DCAF6: variants seen among roughly 807,000 people sequenced by gnomAD.
The protein encoded by DCAF6 is DDB1 and CUL4 associated factor 6.
In DCAF6, 54 loss-of-function variants were observed where a neutral mutation model predicts 125.1. That is an observed-to-expected ratio of 0.43 (90% CI 0.35 to 0.54). The LOEUF (loss-of-function observed/expected upper bound fraction) is 0.54, where lower values mean the gene tolerates loss of function less well. Among genes scored for constraint, DCAF6 ranks in the 20% least tolerant of loss-of-function variants. The probability of loss-of-function intolerance (pLI) is 0.01; values close to 1 mark genes in which losing one functional copy is unlikely to be tolerated. For missense variants in DCAF6, 934 were observed against 1,161.7 expected (o/e 0.80, Z 2.85); for synonymous variants, 371 against 390.4 (o/e 0.95, Z 0.58).
chr1:168,028,125 A>G (rs1686583718), intron 12 of DCAF6, among the ~76,000 whole-genome samples: 1 of 152,114 alleles, frequency 6.6e-6, no homozygotes, highest in East Asian at 1.9e-4. Flanking sequence ...TTTCAACAGT[A>G]TGTTTTAATG....
the DCAF6 span, chr1:167,883,685 A>G: frequency 1.9e-6 from 3 of 1,545,260 alleles, no homozygotes; most frequent in Admixed American, 1.7e-5. Context: ...CCCTCCCCCA[A>G]CACCGCCCCC....
the DCAF6 span, among the ~76,000 whole-genome samples, chr1:167,896,081 G>C: frequency 6.6e-6 from 1 of 152,178 alleles, no homozygotes; most frequent in South Asian, 2.1e-4. Flanking sequence ...GCAAATTAAT[G>C]GTCCTTGGTG....
At chr1:168,050,734 G>A (rs533763048) in intron 16 of DCAF6, among the ~76,000 whole-genome samples, 158 bp from the exon 17 acceptor site, 16 of 152,218 alleles carry the variant, frequency 1.1e-4, no homozygotes, top group African/African-American at 3.1e-4. Context: ...TTAGTTGACT[G>A]ACATATTCCT....
chr1:167,936,135 A>G, upstream of DCAF6: 2 of 412,182 alleles, frequency 4.9e-6, no homozygotes, highest in Non-Finnish European at 9.1e-6. Context: ...TCACCTCACC[A>G]AGTCTGCGCT....
At chr1:168,049,428 GTTGTT>G (rs1332022753) in intron 16 of DCAF6, among the ~76,000 whole-genome samples, 1,358 of 67,246 alleles carry the variant, frequency 0.02, 19 homozygotes, top group African/African-American at 0.082. Flanking sequence ...TGTTGTTGTT[GTTGTT>G]TTTTTTTTTT....
At chr1:168,009,241 G>A (rs989625885) in intron 10 of DCAF6, among the ~76,000 whole-genome samples, 21 of 151,470 alleles carry the variant, frequency 1.4e-4, no homozygotes, top group Middle Eastern at 3.2e-3. Flanking sequence ...CTTGTGATCC[G>A]CCCTCCTCGG....
At chr1:167,954,554 G>A (rs182416635) in intron 2 of DCAF6, among the ~76,000 whole-genome samples, 43 of 151,878 alleles carry the variant, frequency 2.8e-4, no homozygotes, top group African/African-American at 7.5e-4. Context: ...CCGGATTCAC[G>A]CCAGTCTCCT....
intron 21 of DCAF6, among the ~76,000 whole-genome samples, chr1:168,073,832 T>TA (rs1558062537): frequency 6.6e-6 from 1 of 151,806 alleles, no homozygotes; most frequent in Non-Finnish European, 1.5e-5. Context: ...AAAAACAATG[T>TA]AATTTTTTTT....
At chr1:168,042,860 T>C (rs375022471) in intron 13 of DCAF6, 165 bp from the exon 14 acceptor site, 3 of 531,728 alleles carry the variant, frequency 5.6e-6, no homozygotes, top group African/African-American at 1.9e-5. Flanking sequence ...ATGATAGTCA[T>C]CTTGATTTGT....
At chr1:168,068,171 C>CTT (rs967322641) in intron 20 of DCAF6, among the ~76,000 whole-genome samples, 187 bp from the exon 21 acceptor site, 3 of 152,124 alleles carry the variant, frequency 2.0e-5, no homozygotes, top group Non-Finnish European at 4.4e-5. Flanking sequence ...GACCTTCCTC[C>CTT]TTTAAATACA....
chr1:167,874,185 G>T, the DCAF6 span, among the ~76,000 whole-genome samples: 1 of 152,068 alleles, frequency 6.6e-6, no homozygotes, highest in South Asian at 2.1e-4. Flanking sequence ...ATAAAAATTA[G>T]CTGGGCATGG....
intron 1 of DCAF6, among the ~76,000 whole-genome samples, chr1:167,939,410 A>T (rs1289431331): frequency 6.6e-6 from 1 of 152,150 alleles, no homozygotes; most frequent in Non-Finnish European, 1.5e-5. Flanking sequence ...TGGCGATAAA[A>T]TGACTTTATC....
chr1:167,918,594 C>CTT, the DCAF6 span, among the ~76,000 whole-genome samples: 18,826 of 133,028 alleles, frequency 0.14, 1,668 homozygotes, highest in South Asian at 0.25. Context: ...CTGCCAAAAA[C>CTT]TTTTTTTTTT....
chr1:167,943,860 A>T (rs769086617), intron 1 of DCAF6, among the ~76,000 whole-genome samples: 1 of 151,492 alleles, frequency 6.6e-6, no homozygotes, highest in African/African-American at 2.4e-5. Context: ...TTTTTTTGAG[A>T]TGGAGTCTCA....
chr1:167,943,065 C>A (rs1672493704), intron 1 of DCAF6, among the ~76,000 whole-genome samples: 1 of 152,106 alleles, frequency 6.6e-6, no homozygotes, highest in Non-Finnish European at 1.5e-5. Flanking sequence ...CGCCACCACG[C>A]CCGGCTAATT....
chr1:167,928,242 G>GCCT, the DCAF6 span, among the ~76,000 whole-genome samples: 151 of 151,896 alleles, frequency 9.9e-4, no homozygotes, highest in Non-Finnish European at 1.5e-3. Context: ...CAGCTACTCG[G>GCCT]GAGGCTGAGG....
the DCAF6 span, among the ~76,000 whole-genome samples, chr1:167,879,841 A>G: frequency 6.6e-6 from 1 of 152,232 alleles, no homozygotes; most frequent in Non-Finnish European, 1.5e-5. Flanking sequence ...TTTAATGTTA[A>G]CAGGAAAGTA....
intron 1 of DCAF6, among the ~76,000 whole-genome samples, chr1:167,951,156 C>T (rs1673874382): frequency 6.6e-6 from 1 of 151,950 alleles, no homozygotes. Context: ...TTTATTTTAC[C>T]ACCGTAAAAT....
chr1:167,866,530 CAAAAAAAA>C, the DCAF6 span, among the ~76,000 whole-genome samples: 9 of 110,772 alleles, frequency 8.1e-5, no homozygotes, highest in South Asian at 2.9e-4. Flanking sequence ...CTCTATGTGC[CAAAAAAAA>C]AAAAAAAAAA....
Sources: gnomAD v4.1 joint callset for allele counts (sites outside exome capture counted in the v4.1 genomes callset) on GRCh38, gnomAD v4.1.1 for gene constraint, MANE v1.5 for transcripts, NCBI Gene and HGNC (gene_info 2026-07-23, HGNC 2026-07-21) for gene names.